The following MAP1LC3B2 variants were observed in gnomAD, a reference collection of about 807,000 sequenced individuals.
MAP1LC3B2 encodes microtubule associated protein 1 light chain 3 beta 2, also known as microtubule-associated protein 1 light chain 3 beta 2.
For missense variants in MAP1LC3B2, 155 were observed against 154.6 expected (o/e 1.00, Z -0.01); for synonymous variants, 62 against 57.8 (o/e 1.07, Z -0.33).
At position 116,560,188 on chromosome 12, in the gene MAP1LC3B2, C is replaced by CCA. The variant is rs1491120344; in HGVS notation, c.-102+755_-102+756insCA. The stretch of plus-strand genomic sequence containing the variant: ...GGCTCTGAAATAAAGCTAAGTTTGG[C>CCA]TATATATATATATATATATATATAT... On this transcript the variant is annotated intron_variant, in intron 1 of 1. Transcript: ENST00000556529. 4.1e-3 allele frequency: 364 copies of CCA among 88,356 alleles called. 18 individuals are homozygous for CCA. Among genetic ancestry groups the CCA allele is most frequent in the Middle Eastern group, 0.013 (2 of 156 alleles). 5.5% of individuals were successfully genotyped at this position (88,356 alleles called of 1,614,324 possible).
chr12:116,576,413 A>C lies in MAP1LC3B2; in HGVS notation c.*93A>C. 6.6e-7 allele frequency: 1 copy of C among 1,517,334 alleles called. No homozygotes were observed. The highest frequency in any genetic ancestry group is 8.9e-7 in the Non-Finnish European group (1 of 1,128,494). The allele number at this position is 1,517,334 out of a possible 1,614,324, so 94.0% of individuals were successfully genotyped here. On this transcript the variant is annotated 3_prime_UTR_variant, in exon 2 of 2. Transcript: ENST00000556529. ...CCAACTGAGATCGATCAGTTCATCT[A>C]ATCACAGATCATCAAACAGTAGTGT...
intron 1 of MAP1LC3B2, among the ~76,000 whole-genome samples, chr12:116,565,453 A>T (rs1438314067): frequency 6.6e-6 from 1 of 152,236 alleles, no homozygotes; most frequent in Non-Finnish European, 1.5e-5. Flanking sequence ...CACTACCACG[A>T]GAACAGTATG....
Position 116,575,930 on chromosome 12 carries a change from A to C in MAP1LC3B2, c.-13A>C. 3.1e-6 allele frequency: 5 copies of C among 1,614,146 alleles called. No homozygotes were observed. The highest frequency in any genetic ancestry group is 4.2e-6 in the Non-Finnish European group (5 of 1,180,012). On this transcript the variant is annotated 5_prime_UTR_variant, in exon 2 of 2. Coordinates refer to ENST00000556529, the MANE Select transcript of MAP1LC3B2 (RefSeq NM_001085481.3). ...CCTCGCGTCGTCGCCGCCGCGGCCCAGATCCCCACACCATGCCGTCGGAGA... is the reference window on the plus strand; with the variant it reads ...CCTCGCGTCGTCGCCGCCGCGGCCCCGATCCCCACACCATGCCGTCGGAGA...
chr12:116,571,498 T>TTTTTTTG, intron 1 of MAP1LC3B2, among the ~76,000 whole-genome samples: 1 of 115,238 alleles, frequency 8.7e-6, no homozygotes, highest in Non-Finnish European at 1.8e-5. Context: ...TTTTTTTTTT[T>TTTTTTTG]GAGACGGAGT....
In MAP1LC3B2 at chr12:116,569,110, C is replaced by T. The variant is rs187163549; in HGVS notation, c.-101-6732C>T. Among the ~76,000 whole-genome samples the T allele has an allele frequency of 2.2e-3, 339 of 152,190 alleles. 2 individuals are homozygous for T. Among genetic ancestry groups the T allele is most frequent in the African/African-American group, 6.6e-3 (274 of 41,524 alleles). On this transcript the variant is annotated intron_variant, in intron 1 of 1. Transcript: ENST00000556529. ...ATCTCCTGACCTCATGATCCGCCCA[C>T]CTCGGCCTCCCAAAGTACTGGGATT...
At chr12:116,571,606 G>C (rs1869537136) in intron 1 of MAP1LC3B2, among the ~76,000 whole-genome samples, 1 of 150,438 alleles carries the variant, frequency 6.6e-6, no homozygotes, top group African/African-American at 2.4e-5. Flanking sequence ...TCAGCCTCCC[G>C]AGTAGCTGGG....
At chr12:116,564,088 A>G (rs1222273687) in intron 1 of MAP1LC3B2, among the ~76,000 whole-genome samples, 1 of 152,070 alleles carries the variant, frequency 6.6e-6, no homozygotes, top group Non-Finnish European at 1.5e-5. Context: ...CAGAAGATAC[A>G]TTTGGTTCTT....
intron 1 of MAP1LC3B2, among the ~76,000 whole-genome samples, chr12:116,564,909 G>A (rs1269079704): frequency 2.0e-5 from 3 of 152,038 alleles, no homozygotes; most frequent in African/African-American, 7.2e-5. Context: ...CACTTGATTT[G>A]CATCCCTTCT....
chr12:116,572,405 C>T (rs564691808), intron 1 of MAP1LC3B2, among the ~76,000 whole-genome samples: 68 of 147,784 alleles, frequency 4.6e-4, no homozygotes, highest in African/African-American at 1.5e-3. Context: ...CGCTCTGTCG[C>T]CCAGGCTGGA....
chr12:116,559,517 A>C (rs923318974), intron 1 of MAP1LC3B2, 84 bp downstream of exon 1: 1 of 152,254 alleles, frequency 6.6e-6, no homozygotes, highest in Non-Finnish European at 1.5e-5. Context: ...ATAGATACTC[A>C]GGCCTGGTGA....
rs192994701 is a variant in MAP1LC3B2 at position 116,574,757 on chromosome 12, T to A, written c.-101-1085T>A. On this transcript the variant is annotated intron_variant, in intron 1 of 1. Coordinates refer to ENST00000556529, the MANE Select transcript of MAP1LC3B2 (RefSeq NM_001085481.3). ...TTTTAGTAGAGACAGGGTTTTGCTA[T>A]GTTGGCCAGGCTGGTCTTGAACTCC... Among the ~76,000 whole-genome samples, 456 of 152,172 alleles carry A rather than the reference T, an allele frequency of 3.0e-3. 7 individuals are homozygous for A. Among genetic ancestry groups the A allele is most frequent in the African/African-American group, 0.01 (433 of 41,548 alleles).
rs371505770 is a variant in MAP1LC3B2, at chr12:116,574,765, A to T, written c.-101-1077A>T. The stretch of plus-strand genomic sequence containing the variant: ...GAGACAGGGTTTTGCTATGTTGGCC[A>T]GGCTGGTCTTGAACTCCTGACCTCA... On this transcript the variant is annotated intron_variant, in intron 1 of 1. Coordinates refer to ENST00000556529, the MANE Select transcript of MAP1LC3B2 (RefSeq NM_001085481.3). Among the ~76,000 whole-genome samples, 3 of 151,930 alleles carry T rather than the reference A, an allele frequency of 2.0e-5. 1 individual carries two copies. Among genetic ancestry groups the T allele is most frequent in the African/African-American group, 7.2e-5 (3 of 41,450 alleles).
intron 1 of MAP1LC3B2, among the ~76,000 whole-genome samples, chr12:116,573,244 TA>T (rs1371999239): frequency 6.6e-6 from 1 of 152,130 alleles, no homozygotes; most frequent in Non-Finnish European, 1.5e-5. Context: ...TTTTTCTACA[TA>T]AAAACTTGTT....
At chr12:116,573,878 G>T (rs1022629256) in intron 1 of MAP1LC3B2, among the ~76,000 whole-genome samples, 1 of 152,200 alleles carries the variant, frequency 6.6e-6, no homozygotes, top group Non-Finnish European at 1.5e-5. Flanking sequence ...ATGGGGCAAG[G>T]CTGCAGCTTT....
chr12:116,562,057 G>A lies in MAP1LC3B2; in HGVS notation c.-102+2624G>A, dbSNP rs570390901. Among the ~76,000 whole-genome samples, 15 of 152,298 alleles carry A rather than the reference G, an allele frequency of 9.8e-5. No homozygotes were observed. In the South Asian group the frequency reaches 2.5e-3, roughly 25 times the overall value. On this transcript the variant is annotated intron_variant, in intron 1 of 1. Coordinates refer to ENST00000556529, the MANE Select transcript of MAP1LC3B2 (RefSeq NM_001085481.3). Reference sequence around the variant, plus strand: ...CAGCTCAGTTCAGGGATGGGAATGTGATCCAAAGTGGGTCCATCAGAGCAA... The same window carrying A: ...CAGCTCAGTTCAGGGATGGGAATGTAATCCAAAGTGGGTCCATCAGAGCAA...
intron 1 of MAP1LC3B2, among the ~76,000 whole-genome samples, chr12:116,568,077 T>C (rs1869438711): frequency 6.6e-6 from 1 of 152,236 alleles, no homozygotes; most frequent in Non-Finnish European, 1.5e-5. Flanking sequence ...GCCTAACCTA[T>C]GTTTTTGCCA....
chr12:116,569,614 G>A lies in MAP1LC3B2; in HGVS notation c.-101-6228G>A, dbSNP rs1869478202. On this transcript the variant is annotated intron_variant, in intron 1 of 1. Transcript: ENST00000556529. ...ATATGCTAGTTGGAATATGCACGTA[G>A]GTATGTGTTTATTTTATCATGATGT... 2.0e-5 allele frequency among the ~76,000 whole-genome samples: 3 copies of A among 152,106 alleles called. No individual in the cohort carries two copies. In the South Asian group the frequency reaches 6.2e-4, roughly 31 times the overall value.
chr12:116,573,115 C>T lies in MAP1LC3B2; in HGVS notation c.-101-2727C>T, dbSNP rs1012837873. 4.6e-5 allele frequency among the ~76,000 whole-genome samples: 7 copies of T among 152,212 alleles called. No individual in the cohort carries two copies. The Middle Eastern group carries it at 0.01, about 222-fold the overall frequency. On this transcript the variant is annotated intron_variant, in intron 1 of 1. Transcript: ENST00000556529. ...ATTTTTGTAGTTTTATTAGAGACAG[C>T]GTTTCACCACGTTGTCCAGGCTGTT...
At chr12:116,562,897 AT>A (rs1869306671) in intron 1 of MAP1LC3B2, among the ~76,000 whole-genome samples, 1 of 152,184 alleles carries the variant, frequency 6.6e-6, no homozygotes, top group African/African-American at 2.4e-5. Context: ...GGCATTCTTC[AT>A]TTCTTAAATA....
Sources: gnomAD v4.1 joint callset for allele counts (sites outside exome capture counted in the v4.1 genomes callset) on GRCh38, gnomAD v4.1.1 for gene constraint, MANE v1.5 for transcripts, NCBI Gene and HGNC (gene_info 2026-07-23, HGNC 2026-07-21) for gene names.